NRG3: variants seen among roughly 807,000 people sequenced by gnomAD.
NRG3 encodes pro-neuregulin-3, membrane-bound isoform.
In NRG3, 31 loss-of-function variants were observed where a neutral mutation model predicts 66.9. That is an observed-to-expected ratio of 0.46 (90% CI 0.35 to 0.63). NRG3 has a LOEUF of 0.63. NRG3 is among the 20% of genes least tolerant of loss of function. NRG3 has a pLI of 0.00. For missense variants in NRG3, 910 were observed against 878.9 expected (o/e 1.04, Z -0.45); for synonymous variants, 393 against 359.4 (o/e 1.09, Z -1.06).
intron 1 of NRG3, among the ~76,000 whole-genome samples, chr10:81,912,826 G>C (rs1380211823): frequency 6.6e-6 from 1 of 152,184 alleles, no homozygotes; most frequent in Non-Finnish European, 1.5e-5. Flanking sequence ...CAGGAAACTG[G>C]AGAGACAAGA....
At chr10:82,615,339 A>G (rs1456944469) in intron 2 of NRG3, among the ~76,000 whole-genome samples, 1 of 152,188 alleles carries the variant, frequency 6.6e-6, no homozygotes, top group Non-Finnish European at 1.5e-5. Flanking sequence ...TCCACTGAAG[A>G]TGCATGGAAT....
At chr10:82,003,988 A>AACACACACACACACACAC (rs746699197) in intron 1 of NRG3, among the ~76,000 whole-genome samples, 21 of 134,422 alleles carry the variant, frequency 1.6e-4, no homozygotes, top group Admixed American at 4.5e-4. Context: ...CCTGACTGAA[A>AACACACACACACACACAC]ACACACACAC....
chr10:82,130,763 GT>G (rs2068765008), intron 1 of NRG3, among the ~76,000 whole-genome samples: 1 of 152,106 alleles, frequency 6.6e-6, no homozygotes, highest in Non-Finnish European at 1.5e-5. Context: ...TCTCATTGTA[GT>G]TTTGATTTGC....
chr10:81,935,936 T>C (rs1847823818), intron 1 of NRG3, among the ~76,000 whole-genome samples: 1 of 148,206 alleles, frequency 6.7e-6, no homozygotes, highest in African/African-American at 2.5e-5. Flanking sequence ...GTTTCCTGTG[T>C]TAAAATGGTT....
At chr10:82,200,983 G>A (rs1049763722) in intron 1 of NRG3, among the ~76,000 whole-genome samples, 3 of 151,978 alleles carry the variant, frequency 2.0e-5, no homozygotes, top group East Asian at 1.9e-4. Context: ...GGATCACGAG[G>A]TCAGGAGTTA....
At chr10:82,275,228 A>T (rs908922519) in intron 1 of NRG3, among the ~76,000 whole-genome samples, 1 of 151,976 alleles carries the variant, frequency 6.6e-6, no homozygotes, top group Non-Finnish European at 1.5e-5. Flanking sequence ...GCAGATGCTC[A>T]GTCTACCATC....
intron 3 of NRG3, among the ~76,000 whole-genome samples, chr10:82,825,810 C>G (rs1204165692): frequency 2.6e-5 from 4 of 152,028 alleles, no homozygotes; most frequent in African/African-American, 9.7e-5. Flanking sequence ...TAAAAGTGAG[C>G]CTATTACATG....
chr10:82,134,815 T>C (rs1165746368), intron 1 of NRG3, among the ~76,000 whole-genome samples: 1 of 152,018 alleles, frequency 6.6e-6, no homozygotes, highest in East Asian at 1.9e-4. Flanking sequence ...ATCTAAATTT[T>C]AAATTTAAAT....
chr10:82,916,802 G>A (rs1845878120), intron 4 of NRG3, among the ~76,000 whole-genome samples: 1 of 152,120 alleles, frequency 6.6e-6, no homozygotes, highest in Admixed American at 6.6e-5. Context: ...TTTTAGTAGA[G>A]ATGGAGTTTC....
intron 4 of NRG3, among the ~76,000 whole-genome samples, chr10:82,927,326 C>T (rs893465607): frequency 4.6e-5 from 7 of 152,040 alleles, no homozygotes; most frequent in African/African-American, 1.7e-4. Context: ...TTATACATCC[C>T]CTGACAAAAT....
chr10:82,769,100 A>T (rs1176476852), intron 3 of NRG3, among the ~76,000 whole-genome samples: 1 of 152,150 alleles, frequency 6.6e-6, no homozygotes, highest in Non-Finnish European at 1.5e-5. Flanking sequence ...ATTATTTGTA[A>T]CATTTTAACC....
chr10:82,893,437 C>A (rs1411841687), intron 4 of NRG3, among the ~76,000 whole-genome samples: 7 of 152,250 alleles, frequency 4.6e-5, no homozygotes, highest in African/African-American at 1.7e-4. Flanking sequence ...CGCCTGTAAT[C>A]CCAGCACTTT....
At chr10:82,641,535 T>C (rs1288158195) in intron 2 of NRG3, among the ~76,000 whole-genome samples, 1 of 152,162 alleles carries the variant, frequency 6.6e-6, no homozygotes, top group Non-Finnish European at 1.5e-5. Context: ...GTGTATAAGA[T>C]GAGCCTGAAA....
intron 1 of NRG3, among the ~76,000 whole-genome samples, chr10:82,067,847 G>A (rs537191291): frequency 2.6e-5 from 4 of 152,288 alleles, no homozygotes; most frequent in African/African-American, 7.2e-5. Context: ...AGCACTTTGC[G>A]AGTTTCACTT....
At chr10:82,000,698 C>T (rs1286694882) in intron 1 of NRG3, among the ~76,000 whole-genome samples, 3 of 152,136 alleles carry the variant, frequency 2.0e-5, no homozygotes, top group Non-Finnish European at 2.9e-5. Context: ...CAAAATGCTC[C>T]AAAATGAATA....
At chr10:82,074,832 GT>G (rs1797564658) in intron 1 of NRG3, among the ~76,000 whole-genome samples, 1 of 152,140 alleles carries the variant, frequency 6.6e-6, no homozygotes, top group Admixed American at 6.5e-5. Context: ...GCTAGACCCT[GT>G]CCCCTCCCAC....
chr10:82,553,714 G>C (rs2044474561), intron 2 of NRG3, among the ~76,000 whole-genome samples: 1 of 152,128 alleles, frequency 6.6e-6, no homozygotes. Context: ...AAGTCTGAAT[G>C]AGTAGGGTGG....
chr10:82,575,530 A>G lies in NRG3; in HGVS notation c.954-163047A>G, dbSNP rs2045976293. 2.0e-5 allele frequency among the ~76,000 whole-genome samples: 3 copies of G among 151,832 alleles called. 1 individual carries two copies. In the South Asian group the frequency reaches 6.2e-4, roughly 31 times the overall value. ...GTGGATGTTATTCTGAAGGCAGTGAAGAACCAGTGAATAATTTTAAGCAGG... is the reference window on the plus strand; with the variant it reads ...GTGGATGTTATTCTGAAGGCAGTGAGGAACCAGTGAATAATTTTAAGCAGG... On this transcript the variant is annotated intron_variant, in intron 2 of 8. Coordinates refer to ENST00000372141, the MANE Select transcript of NRG3 (RefSeq NM_001010848.4).
At chr10:82,772,229 G>T (rs1302867540) in intron 3 of NRG3, among the ~76,000 whole-genome samples, 1 of 152,110 alleles carries the variant, frequency 6.6e-6, no homozygotes, top group Non-Finnish European at 1.5e-5. Flanking sequence ...TAGTGAAACA[G>T]ATTAGCAGAT....
Sources: allele counts gnomAD v4.1 joint callset (sites outside exome capture counted in the v4.1 genomes callset), GRCh38; gene constraint gnomAD v4.1.1; transcripts MANE v1.5; gene names NCBI Gene and HGNC (gene_info 2026-07-23, HGNC 2026-07-21).